Variants in SMOC2 observed in about 807,000 individuals in gnomAD.
SMOC2 encodes the protein SPARC related modular calcium binding 2.
A neutral mutation model predicts 61.4 loss-of-function variants in SMOC2; 39 were observed. The ratio of observed to expected loss-of-function variants is 0.64; its 90% CI spans 0.49 to 0.83. The LOEUF is 0.83. SMOC2 is among the 40% of genes least tolerant of loss of function. The probability of loss-of-function intolerance (pLI) is 0.00; values close to 1 mark genes in which losing one functional copy is unlikely to be tolerated. For missense variants in SMOC2, 556 were observed against 592.9 expected (o/e 0.94, Z 0.65); for synonymous variants, 247 against 239.9 (o/e 1.03, Z -0.27).
intron 5 of SMOC2, among the ~76,000 whole-genome samples, chr6:168,545,320 A>AC (rs1469950870): frequency 1.3e-5 from 2 of 151,956 alleles, no homozygotes; most frequent in African/African-American, 4.8e-5. Context: ...GAAAGAACAC[A>AC]CCCCCCACTT....
At chr6:168,476,184 G>A (rs1782079035) in intron 1 of SMOC2, among the ~76,000 whole-genome samples, 1 of 152,146 alleles carries the variant, frequency 6.6e-6, no homozygotes, top group Non-Finnish European at 1.5e-5. Context: ...AGTCTTGGCT[G>A]CACTTTAGAT....
intron 8 of SMOC2, 142 bp downstream of exon 8, chr6:168,599,146 CA>C: frequency 1.3e-6 from 1 of 741,404 alleles, no homozygotes; most frequent in Non-Finnish European, 2.2e-6. Context: ...TGATACCACA[CA>C]CATACCCACA....
intron 1 of SMOC2, among the ~76,000 whole-genome samples, chr6:168,473,486 A>G (rs2115015889): frequency 6.6e-6 from 1 of 152,008 alleles, no homozygotes; most frequent in Non-Finnish European, 1.5e-5. Flanking sequence ...ACCTTCTCTC[A>G]CTTCCTTGAT....
intron 1 of SMOC2, among the ~76,000 whole-genome samples, chr6:168,492,629 G>A (rs1782494190): frequency 6.6e-6 from 1 of 152,224 alleles, no homozygotes; most frequent in African/African-American, 2.4e-5. Flanking sequence ...ATTGCAGTGT[G>A]AGGTAGGTTT....
In SMOC2 at chr6:168,590,650, A is replaced by T. The variant is rs186134181; in HGVS notation, c.638-8168A>T. 9.8e-5 allele frequency among the ~76,000 whole-genome samples: 15 copies of T among 152,298 alleles called. No homozygotes were observed. The East Asian group carries it at 2.9e-3, about 29-fold the overall frequency. On this transcript the variant is annotated intron_variant, in intron 7 of 12. Transcript: ENST00000356284. ...TCTTGAAATATGGCCAAATATGGAG[A>T]CTTCATTTTTAGAATGCATGTGATT...
At chr6:168,523,860 A>T (rs1783393144) in intron 2 of SMOC2, among the ~76,000 whole-genome samples, 1 of 152,208 alleles carries the variant, frequency 6.6e-6, no homozygotes, top group African/African-American at 2.4e-5. Context: ...GAGTAAAAAT[A>T]TATTAAGGAG....
rs138604350 is a variant in SMOC2 at position 168,566,565 on chromosome 6, C to G, written c.637+17362C>G. On this transcript the variant is annotated intron_variant, in intron 7 of 12. Transcript: ENST00000356284. ...TGGTGTGATCTCGGCTCACTGCAAC[C>G]GCCACCTCCCAGGTTCAAGTGATTC... is the stretch of plus-strand genomic sequence containing the variant. Among the ~76,000 whole-genome samples the G allele has an allele frequency of 4.0e-5, 6 of 149,180 alleles. No homozygotes were observed. The East Asian group carries it at 1.2e-3, about 30-fold the overall frequency.
rs531676543 is a variant in SMOC2, at chr6:168,468,565, C to T, written c.84+27111C>T. On this transcript the variant is annotated intron_variant, in intron 1 of 12. Transcript: ENST00000356284. ...TTTTTTGTTTTTTGAGACTGAGTCT[C>T]GCTTTACCGCCCAGGCTGGGGTGCA... is the stretch of plus-strand genomic sequence containing the variant. Among the ~76,000 whole-genome samples the T allele has an allele frequency of 1.5e-3, 228 of 152,306 alleles. 1 individual carries two copies. The highest frequency in any genetic ancestry group is 5.3e-3 in the African/African-American group (219 of 41,576).
chr6:168,575,819 G>A (rs377120203), intron 7 of SMOC2, among the ~76,000 whole-genome samples: 4 of 152,174 alleles, frequency 2.6e-5, no homozygotes, highest in Non-Finnish European at 4.4e-5. Context: ...TCGGCTCTGC[G>A]GTGAAGATGA....
chr6:168,518,497 A>ATG (rs36165545), intron 2 of SMOC2, among the ~76,000 whole-genome samples: 102,234 of 150,264 alleles, frequency 0.68, 36,780 homozygotes, highest in Non-Finnish European at 0.8. Context: ...GTGAGTGTGC[A>ATG]TGTGTGAATG....
chr6:168,548,357 T>TTC (rs1389261129), intron 6 of SMOC2, among the ~76,000 whole-genome samples: 3 of 150,100 alleles, frequency 2.0e-5, no homozygotes, highest in Non-Finnish European at 4.4e-5. Flanking sequence ...ATTCCTTTTT[T>TTC]TTTTTTTTTT....
intron 12 of SMOC2, among the ~76,000 whole-genome samples, chr6:168,664,581 G>T (rs1787611462): frequency 6.6e-6 from 1 of 152,080 alleles, no homozygotes; most frequent in Non-Finnish European, 1.5e-5. Context: ...GAGGTTGCAG[G>T]AACAGGAGGC....
chr6:168,540,548 C>T (rs963033153), intron 4 of SMOC2, among the ~76,000 whole-genome samples: 3 of 145,986 alleles, frequency 2.1e-5, no homozygotes, highest in Non-Finnish European at 2.9e-5. Context: ...AGGTGCCTGG[C>T]CAGGGGCACG....
intron 1 of SMOC2, among the ~76,000 whole-genome samples, chr6:168,509,214 G>A (rs534265229): frequency 3.3e-5 from 5 of 152,336 alleles, no homozygotes; most frequent in East Asian, 3.9e-4. Context: ...TGGGGCCACC[G>A]TGGGAACTGC....
Position 168,441,364 on chromosome 6 carries a change from C to A in SMOC2, c.-7C>A. 1 of 1,502,836 alleles carries A rather than the reference C, an allele frequency of 6.7e-7. No homozygotes were observed. The highest frequency in any genetic ancestry group is 8.8e-7 in the Non-Finnish European group (1 of 1,132,028). The allele number at this position is 1,502,836 out of a possible 1,614,324, so 93.1% of individuals were successfully genotyped here. A position where few individuals can be genotyped will look rare whatever the true frequency, so the allele number is the denominator to read the frequency against. On this transcript the variant is annotated 5_prime_UTR_variant, in exon 1 of 13. Transcript: ENST00000356284. Reference sequence around the variant, plus strand: ...GCCGATCTCCCGCTCCCGCCACCTCCGCCACCATGCTGCTCCCCCAGCTCT... The same window carrying A: ...GCCGATCTCCCGCTCCCGCCACCTCAGCCACCATGCTGCTCCCCCAGCTCT...
At chr6:168,581,520 G>C (rs1401108074) in intron 7 of SMOC2, among the ~76,000 whole-genome samples, 1 of 152,228 alleles carries the variant, frequency 6.6e-6, no homozygotes, top group East Asian at 1.9e-4. Context: ...CGCTGCCCTA[G>C]TCACATTCTT....
intron 7 of SMOC2, among the ~76,000 whole-genome samples, chr6:168,590,676 C>T (rs78314310): frequency 0.21 from 32,083 of 151,766 alleles, 3,766 homozygotes; most frequent in South Asian, 0.28. Context: ...GCATGTGATT[C>T]GTTCTTGCTT....
intron 1 of SMOC2, among the ~76,000 whole-genome samples, chr6:168,480,783 T>G (rs553860505): frequency 6.6e-6 from 1 of 152,186 alleles, no homozygotes; most frequent in East Asian, 1.9e-4. Flanking sequence ...ATGACCAAAC[T>G]TTCAATAGAC....
chr6:168,607,275 G>A (rs868617585), intron 8 of SMOC2, among the ~76,000 whole-genome samples: 6 of 152,124 alleles, frequency 3.9e-5, no homozygotes, highest in South Asian at 2.1e-4. Context: ...GGTGGTCTGC[G>A]TGGCAGGGGT....
Sources: allele counts gnomAD v4.1 joint callset (sites outside exome capture counted in the v4.1 genomes callset), GRCh38; gene constraint gnomAD v4.1.1; transcripts MANE v1.5; gene names NCBI Gene and HGNC (gene_info 2026-07-23, HGNC 2026-07-21).